Variants in RNF180 observed in about 807,000 individuals in gnomAD.
RNF180 encodes ring finger protein 180, also known as E3 ubiquitin-protein ligase RNF180.
A neutral mutation model predicts 59.2 loss-of-function variants in RNF180; 38 were observed. The ratio of observed to expected loss-of-function variants is 0.64; its 90% confidence interval spans 0.50 to 0.84. The LOEUF is 0.84. Ranked by LOEUF, RNF180 falls within the 40% of genes least tolerant of loss-of-function variation. RNF180 has a pLI of 0.00. For missense variants in RNF180, 705 were observed against 700.9 expected, an observed-to-expected ratio of 1.01 and a Z score of -0.07; for synonymous variants, 262 against 240.3, an observed-to-expected ratio of 1.09 and a Z score of -0.84.
At chr5:64,262,595 C>A (rs1024775540) in intron 5 of RNF180, among the ~76,000 whole-genome samples, 1 of 152,098 alleles carries the variant, frequency 6.6e-6, no homozygotes, top group Non-Finnish European at 1.5e-5. Flanking sequence ...CAGTTAATTT[C>A]TTCATATTGC....
intron 1 of RNF180, among the ~76,000 whole-genome samples, chr5:64,179,853 T>C (rs182630384): frequency 6.6e-6 from 1 of 152,344 alleles, no homozygotes; most frequent in East Asian, 1.9e-4. Flanking sequence ...TACCTCCCCG[T>C]AGCAGTTTTT....
intron 5 of RNF180, among the ~76,000 whole-genome samples, chr5:64,303,978 A>G (rs1006704156): frequency 2.6e-5 from 4 of 151,624 alleles, no homozygotes; most frequent in African/African-American, 9.7e-5. Context: ...CCAGTGTTCA[A>G]TTTACCTGTT....
intron 7 of RNF180, among the ~76,000 whole-genome samples, chr5:64,331,797 C>T (rs1744920603): frequency 6.6e-6 from 1 of 152,180 alleles, no homozygotes; most frequent in Non-Finnish European, 1.5e-5. Flanking sequence ...AGAAGAGCTG[C>T]AGCCCTTTGA....
At chr5:64,359,641 T>G (rs1371388316) in intron 7 of RNF180, among the ~76,000 whole-genome samples, 12 of 151,554 alleles carry the variant, frequency 7.9e-5, no homozygotes, top group Non-Finnish European at 1.3e-4. Flanking sequence ...TTAGTTTAAT[T>G]AGATCCCATT....
chr5:64,191,450 C>A (rs1751152937), intron 1 of RNF180, among the ~76,000 whole-genome samples: 1 of 152,144 alleles, frequency 6.6e-6, no homozygotes, highest in Non-Finnish European at 1.5e-5. Flanking sequence ...TTCACCTATT[C>A]ATCCTTCTCC....
chr5:64,323,468 G>A (rs555725441), intron 5 of RNF180, among the ~76,000 whole-genome samples: 1 of 152,210 alleles, frequency 6.6e-6, no homozygotes, highest in South Asian at 2.1e-4. Context: ...TTGAACCCAG[G>A]AAGCAGAGGC....
intron 5 of RNF180, among the ~76,000 whole-genome samples, chr5:64,247,897 G>C (rs142051879): frequency 6.6e-6 from 1 of 152,042 alleles, no homozygotes; most frequent in Non-Finnish European, 1.5e-5. Flanking sequence ...CATGGTACTC[G>C]TACCAAAACA....
At chr5:64,254,061 A>G (rs1292310484) in intron 5 of RNF180, among the ~76,000 whole-genome samples, 1 of 152,168 alleles carries the variant, frequency 6.6e-6, no homozygotes, top group African/African-American at 2.4e-5. Flanking sequence ...TGAGCTTGCA[A>G]ACTAGGCCTT....
chr5:64,276,319 G>GGTGTGTGT (rs375203511), intron 5 of RNF180, among the ~76,000 whole-genome samples: 8,453 of 138,004 alleles, frequency 0.061, 312 homozygotes, highest in African/African-American at 0.067. Context: ...AAAATACATT[G>GGTGTGTGT]GTGTGTGTGT....
chr5:64,264,828 C>T (rs1390060207), intron 5 of RNF180, among the ~76,000 whole-genome samples: 2 of 152,170 alleles, frequency 1.3e-5, no homozygotes, highest in Non-Finnish European at 2.9e-5. Flanking sequence ...AATGGTTGAA[C>T]TAATTTACAC....
At chr5:64,198,468 A>G (rs1252574112) in intron 1 of RNF180, among the ~76,000 whole-genome samples, 1 of 152,256 alleles carries the variant, frequency 6.6e-6, no homozygotes, top group African/African-American at 2.4e-5. Context: ...ATTGTCACAC[A>G]GAGTGAATAC....
At chr5:64,211,203 G>A (rs1372259238) in intron 2 of RNF180, among the ~76,000 whole-genome samples, 1 of 152,058 alleles carries the variant, frequency 6.6e-6, no homozygotes, top group Non-Finnish European at 1.5e-5. Flanking sequence ...ATATCTCAAA[G>A]GGAAAACTTT....
At chr5:64,212,023 C>A in intron 2 of RNF180, 42 bp from the exon 3 acceptor site, 1 of 1,134,032 alleles carries the variant, frequency 8.8e-7, no homozygotes, top group Non-Finnish European at 1.3e-6. Context: ...GAAATAAATT[C>A]TGAACTGGTA....
chr5:64,242,606 C>G (rs1023427684), intron 5 of RNF180, among the ~76,000 whole-genome samples: 1 of 152,086 alleles, frequency 6.6e-6, no homozygotes, highest in Non-Finnish European at 1.5e-5. Flanking sequence ...AAGAACAAAT[C>G]TTCAAGTTAT....
intron 7 of RNF180, among the ~76,000 whole-genome samples, chr5:64,332,655 G>A (rs946614952): frequency 6.6e-6 from 1 of 152,128 alleles, no homozygotes; most frequent in Non-Finnish European, 1.5e-5. Context: ...ACCTTTTTCT[G>A]CTTTGGGAAT....
chr5:64,212,160 A>G lies in RNF180; in HGVS notation c.231A>G (p.Lys77=), dbSNP rs1752346601. 1 of 1,527,330 alleles carries G rather than the reference A, an allele frequency of 6.5e-7. No individual in the cohort carries two copies. Among genetic ancestry groups the G allele is most frequent in the Non-Finnish European group, 9.1e-7 (1 of 1,101,232 alleles). 94.6% of individuals were successfully genotyped at this position (1,527,330 alleles called of 1,614,324 possible). The part of the protein sequence containing the change: ...LPEWISCLIQ[K]AQWTVGKLNC... ...AATGGATAAGCTGCCTAATCCAAAA[A>G]GTAAGTTCTTAGTTTCTGAGTAAAA... Residue 77 remains lysine (K), a splice_region_variant and synonymous_variant, in exon 3 of 8, where the codon AAA becomes AAG. Coordinates refer to ENST00000389100, the MANE Select transcript of RNF180 (RefSeq NM_001113561.2).
intron 1 of RNF180, among the ~76,000 whole-genome samples, chr5:64,177,015 A>C (rs933398511): frequency 3.3e-5 from 5 of 152,210 alleles, no homozygotes; most frequent in Non-Finnish European, 5.9e-5. Flanking sequence ...AATTAACTGC[A>C]TAAGGAGAAC....
chr5:64,311,495 A>G (rs992114173), intron 5 of RNF180, among the ~76,000 whole-genome samples: 2 of 151,878 alleles, frequency 1.3e-5, no homozygotes, highest in Non-Finnish European at 2.9e-5. Flanking sequence ...TGTGGGTCCA[A>G]AATTCTGAAA....
chr5:64,237,968 T>G (rs1228837124), intron 5 of RNF180, among the ~76,000 whole-genome samples: 2 of 152,162 alleles, frequency 1.3e-5, no homozygotes. Context: ...GTGAGTTAAT[T>G]AATCCTCCTT....
Sources: allele counts gnomAD v4.1 joint callset (sites outside exome capture counted in the v4.1 genomes callset), GRCh38; gene constraint gnomAD v4.1.1; transcripts MANE v1.5; gene names NCBI Gene and HGNC (gene_info 2026-07-23, HGNC 2026-07-21).